Variants in TEAD1 observed in about 807,000 individuals in gnomAD.
The protein encoded by TEAD1 is TEA domain transcription factor 1, also known as transcriptional enhancer factor TEF-1.
In TEAD1, 9 loss-of-function variants were observed where a neutral mutation model predicts 54.9. That is an observed-to-expected ratio of 0.16 (90% confidence interval 0.10 to 0.29). TEAD1 has a LOEUF of 0.29. Ranked by LOEUF, TEAD1 falls within the 10% of genes least tolerant of loss-of-function variation. The pLI is 1.00. For missense variants in TEAD1, 387 were observed against 535.9 expected (o/e 0.72, Z 2.74); for synonymous variants, 200 against 187.8 (o/e 1.07, Z -0.53).
chr11:12,917,752 T>G (rs144917868), intron 10 of TEAD1, among the ~76,000 whole-genome samples: 38 of 152,298 alleles, frequency 2.5e-4, no homozygotes, highest in African/African-American at 8.9e-4. Context: ...AGCTTAGCGT[T>G]TAGGGTCTCT....
intron 9 of TEAD1, among the ~76,000 whole-genome samples, chr11:12,893,126 T>C (rs1160265762): frequency 5.3e-5 from 8 of 152,256 alleles, no homozygotes; most frequent in South Asian, 2.1e-4. Flanking sequence ...TGTTCCCATC[T>C]CATGCTTCGG....
At chr11:12,853,659 C>A (rs1032567786) in intron 3 of TEAD1, among the ~76,000 whole-genome samples, 1 of 152,154 alleles carries the variant, frequency 6.6e-6, no homozygotes, top group Non-Finnish European at 1.5e-5. Context: ...GTGTTGTATT[C>A]ACTATGCAGC....
chr11:12,684,054 A>G (rs1360410842), intron 2 of TEAD1, among the ~76,000 whole-genome samples: 8 of 152,192 alleles, frequency 5.3e-5, no homozygotes, highest in African/African-American at 1.7e-4. Context: ...ATTTTCTGCC[A>G]AGTCACCCTG....
intron 2 of TEAD1, among the ~76,000 whole-genome samples, chr11:12,746,352 ATAT>A (rs1324851036): frequency 2.6e-5 from 4 of 152,218 alleles, no homozygotes; most frequent in Admixed American, 2.6e-4. Flanking sequence ...AAGCTGAGTA[ATAT>A]TAGGAATTTG....
rs182896684 is a variant in TEAD1, at chr11:12,697,371, G to A, written c.-55+21810G>A. Among the ~76,000 whole-genome samples the A allele has an allele frequency of 3.2e-3, 485 of 152,312 alleles. 1 individual carries two copies. Among genetic ancestry groups the A allele is most frequent in the African/African-American group, 0.011 (459 of 41,564 alleles). On this transcript the variant is annotated intron_variant, in intron 2 of 12. Transcript: ENST00000527636. ...GACCAGTATGGTTGGGGACCCAAAG[G>A]GGTGGTGTCAGAATAAAAGCCTGCC...
At position 12,747,402 on chromosome 11, in the gene TEAD1, C is replaced by A. The variant is rs563267092; in HGVS notation, c.-54-16777C>A. ...CCAGGCTGGAGTGCAGTGGCACAAT[C>A]TTGGCTCACTGCAACTCTGCCTCCC... On this transcript the variant is annotated intron_variant, in intron 2 of 12. Coordinates refer to ENST00000527636, the MANE Select transcript of TEAD1 (RefSeq NM_021961.6). 2.6e-5 allele frequency among the ~76,000 whole-genome samples: 4 copies of A among 152,290 alleles called. No individual in the cohort carries two copies. The East Asian group carries it at 7.7e-4, about 29-fold the overall frequency.
chr11:12,883,040 C>G lies in TEAD1; in HGVS notation c.614C>G (p.Ala205Gly). ...TCGGCCCCAGCTCCCTCAGTCCCTGCCTGGCAAGGTCGCTCCATTGGCACA... is the reference window on the plus strand; with the variant it reads ...TCGGCCCCAGCTCCCTCAGTCCCTGGCTGGCAAGGTCGCTCCATTGGCACA... Residue 205 changes from alanine to glycine, a missense_variant, in exon 9 of 13, where the codon GCC (alanine) becomes GGC (glycine). By Grantham distance (60) the Ala-to-Gly change is moderately conservative. Around this residue, in one of 5 missense-constraint regions of TEAD1, gnomAD observed 180 missense variants for 180.6 expected, o/e 1.00. Transcript: ENST00000527636. 1 of 1,614,184 alleles carries G rather than the reference C, an allele frequency of 6.2e-7. No individual in the cohort carries two copies. The highest frequency in any genetic ancestry group is 1.7e-5 in the Admixed American group (1 of 60,020).
At chr11:12,830,627 G>A (rs148468478) in intron 3 of TEAD1, among the ~76,000 whole-genome samples, 2 of 152,022 alleles carry the variant, frequency 1.3e-5, no homozygotes, top group African/African-American at 4.8e-5. Flanking sequence ...AATCTAGAAC[G>A]TGCTCATCCT....
intron 3 of TEAD1, among the ~76,000 whole-genome samples, chr11:12,797,702 C>T (rs1945963712): frequency 1.3e-5 from 2 of 152,134 alleles, no homozygotes; most frequent in Admixed American, 1.3e-4. Context: ...TGCAGAGGAT[C>T]ACCATTTCTC....
At chr11:12,805,549 C>T (rs1946151493) in intron 3 of TEAD1, among the ~76,000 whole-genome samples, 1 of 152,156 alleles carries the variant, frequency 6.6e-6, no homozygotes, top group Admixed American at 6.5e-5. Flanking sequence ...TGTAGAACCA[C>T]TAGAATTAGG....
intron 9 of TEAD1, among the ~76,000 whole-genome samples, chr11:12,899,015 A>C (rs2134124648): frequency 1.3e-5 from 2 of 152,324 alleles, no homozygotes; most frequent in South Asian, 4.1e-4. Context: ...TTAAGCACAA[A>C]GACTTCAAGT....
chr11:12,895,593 T>G (rs1050505506), intron 9 of TEAD1, among the ~76,000 whole-genome samples: 5 of 152,242 alleles, frequency 3.3e-5, no homozygotes, highest in Non-Finnish European at 7.3e-5. Flanking sequence ...TTTTGCTTCC[T>G]TTTATGGTTC....
At chr11:12,835,952 T>C (rs2134024624) in intron 3 of TEAD1, among the ~76,000 whole-genome samples, 1 of 152,288 alleles carries the variant, frequency 6.6e-6, no homozygotes. Flanking sequence ...ATGTGGCGTA[T>C]ATTTCAAAAT....
chr11:12,925,772 G>A (rs1948894615), intron 11 of TEAD1, among the ~76,000 whole-genome samples: 1 of 152,090 alleles, frequency 6.6e-6, no homozygotes, highest in Non-Finnish European at 1.5e-5. Flanking sequence ...CAACCCCTAG[G>A]TCCAAGGGCA....
chr11:12,843,074 G>T (rs1210287963), intron 3 of TEAD1, among the ~76,000 whole-genome samples: 1 of 152,128 alleles, frequency 6.6e-6, no homozygotes, highest in South Asian at 2.1e-4. Flanking sequence ...GTTTATCTGG[G>T]AGGATGCAAA....
chr11:12,912,729 A>G (rs539234449), intron 10 of TEAD1, among the ~76,000 whole-genome samples: 1 of 152,316 alleles, frequency 6.6e-6, no homozygotes, highest in Non-Finnish European at 1.5e-5. Flanking sequence ...ATCCTCTTCT[A>G]TCAAACCACA....
intron 3 of TEAD1, among the ~76,000 whole-genome samples, chr11:12,849,705 T>C (rs1564962956): frequency 6.6e-6 from 1 of 152,238 alleles, no homozygotes; most frequent in South Asian, 2.1e-4. Context: ...ACATGCTGTT[T>C]AATGCAACAC....
intron 2 of TEAD1, among the ~76,000 whole-genome samples, chr11:12,694,049 C>T (rs955497804): frequency 6.6e-6 from 1 of 152,190 alleles, no homozygotes; most frequent in Non-Finnish European, 1.5e-5. Flanking sequence ...TGTCAGGCTG[C>T]GTTGGCACAC....
intron 2 of TEAD1, among the ~76,000 whole-genome samples, chr11:12,734,818 T>C (rs56248434): frequency 0.029 from 4,435 of 152,312 alleles, 204 homozygotes; most frequent in African/African-American, 0.099. Context: ...GTGATGTTGA[T>C]GTACGATGAC....
Sources: allele counts gnomAD v4.1 joint callset (sites outside exome capture counted in the v4.1 genomes callset), GRCh38; gene constraint gnomAD v4.1.1; regional missense constraint gnomAD v4.1.1; transcripts MANE v1.5; gene names NCBI Gene and HGNC (gene_info 2026-07-23, HGNC 2026-07-21).